Variants in RBFOX2 observed in about 807,000 individuals in gnomAD.
RBFOX2 encodes the protein RNA binding fox-1 homolog 2, also known as RNA binding protein fox-1 homolog 2.
A neutral mutation model predicts 49.1 loss-of-function variants in RBFOX2; 10 were observed. The observed-to-expected ratio is 0.20, with a 90% CI of 0.13 to 0.35. The LOEUF (loss-of-function observed/expected upper bound fraction) is 0.35. RBFOX2 is among the 10% of genes least tolerant of loss of function. The pLI is 1.00. For synonymous variants in RBFOX2, 183 were observed against 187.4 expected (o/e 0.98, Z 0.19); for missense variants, 323 against 486.9 (o/e 0.66, Z 3.17).
chr22:35,861,089 C>T (rs763316053), intron 1 of RBFOX2, among the ~76,000 whole-genome samples: 9 of 152,172 alleles, frequency 5.9e-5, no homozygotes, highest in Non-Finnish European at 1.3e-4. Flanking sequence ...AGAGAAAGAA[C>T]AGTCTTTTCA....
chr22:35,892,935 G>A (rs2047418284), intron 1 of RBFOX2, among the ~76,000 whole-genome samples: 1 of 152,158 alleles, frequency 6.6e-6, no homozygotes, highest in Admixed American at 6.5e-5. Flanking sequence ...GCTCCTCTGT[G>A]CCTCCCACTG....
chr22:36,024,339 T>C (rs1309739346), intron 1 of RBFOX2, among the ~76,000 whole-genome samples: 1 of 152,044 alleles, frequency 6.6e-6, no homozygotes, highest in East Asian at 1.9e-4. Context: ...TAAGGGACAA[T>C]AAAAGATGAC....
At chr22:35,929,693 C>T in intron 1 of RBFOX2, among the ~76,000 whole-genome samples, 1 of 151,844 alleles carries the variant, frequency 6.6e-6, no homozygotes, top group Admixed American at 6.6e-5. Flanking sequence ...GCTGTGTTGC[C>T]CACGCTGGTC....
intron 1 of RBFOX2, among the ~76,000 whole-genome samples, chr22:35,944,945 AAAC>A (rs760819385): frequency 1.1e-4 from 16 of 152,094 alleles, no homozygotes; most frequent in Non-Finnish European, 1.6e-4. Context: ...GTCTCAAGAA[AAAC>A]AACAACGACA....
intron 1 of RBFOX2, among the ~76,000 whole-genome samples, chr22:35,985,816 G>T (rs1234591342): frequency 6.6e-6 from 1 of 152,078 alleles, no homozygotes; most frequent in African/African-American, 2.4e-5. Context: ...CAGAAGGTGG[G>T]AGGATCACTG....
intron 1 of RBFOX2, among the ~76,000 whole-genome samples, chr22:35,909,346 C>T (rs2049501837): frequency 6.6e-6 from 1 of 151,950 alleles, no homozygotes; most frequent in Admixed American, 6.6e-5. Context: ...CAGTTTCCTT[C>T]TTTAAAGTAT....
At chr22:36,021,224 C>T (rs1326903804) in intron 1 of RBFOX2, among the ~76,000 whole-genome samples, 1 of 122,038 alleles carries the variant, frequency 8.2e-6, no homozygotes, top group African/African-American at 3.3e-5. Flanking sequence ...GGGTGGGGAA[C>T]ATCACACAAT....
At chr22:35,890,008 G>A (rs951136544) in intron 1 of RBFOX2, among the ~76,000 whole-genome samples, 2 of 152,056 alleles carry the variant, frequency 1.3e-5, no homozygotes, top group Non-Finnish European at 2.9e-5. Context: ...ACCAAGACCC[G>A]AAACTGTATC....
intron 1 of RBFOX2, among the ~76,000 whole-genome samples, chr22:35,978,785 A>C (rs138382377): frequency 6.6e-6 from 1 of 152,318 alleles, no homozygotes; most frequent in African/African-American, 2.4e-5. Flanking sequence ...TGAAAAAGGG[A>C]AAGTCTTTGT....
chr22:35,968,469 C>T (rs1197100138), intron 1 of RBFOX2, among the ~76,000 whole-genome samples: 1 of 144,072 alleles, frequency 6.9e-6, no homozygotes, highest in Non-Finnish European at 1.5e-5. Context: ...GTCTTAAGCA[C>T]ATTTTCTGAA....
chr22:35,767,115 G>T (rs1255079851), intron 5 of RBFOX2, among the ~76,000 whole-genome samples: 3 of 151,742 alleles, frequency 2.0e-5, no homozygotes, highest in African/African-American at 7.3e-5. Context: ...ATGTGCAAGG[G>T]GAAAAAAATC....
At chr22:35,939,026 C>T, upstream of RBFOX2, 4 of 870,686 alleles carry the variant, frequency 4.6e-6, no homozygotes, top group East Asian at 2.5e-5. Flanking sequence ...AACTGTATTC[C>T]ACCCTACCTA....
intron 2 of RBFOX2, among the ~76,000 whole-genome samples, chr22:35,799,669 T>G (rs1207479201): frequency 6.6e-6 from 1 of 152,098 alleles, no homozygotes; most frequent in African/African-American, 2.4e-5. Flanking sequence ...TTACTTCGGC[T>G]GGATGTGGTG....
intron 1 of RBFOX2, among the ~76,000 whole-genome samples, chr22:35,934,522 G>T (rs1370206424): frequency 6.6e-6 from 1 of 152,076 alleles, no homozygotes; most frequent in Non-Finnish European, 1.5e-5. Flanking sequence ...TCTCAAAAGT[G>T]CCCCAACTTG....
At chr22:35,975,774 T>C (rs958089890) in intron 1 of RBFOX2, among the ~76,000 whole-genome samples, 2 of 152,150 alleles carry the variant, frequency 1.3e-5, no homozygotes, top group African/African-American at 4.8e-5. Context: ...ATCACTAGTG[T>C]TTTCTGTTTG....
At chr22:35,989,961 C>T (rs2057899966) in intron 1 of RBFOX2, among the ~76,000 whole-genome samples, 1 of 152,150 alleles carries the variant, frequency 6.6e-6, no homozygotes, top group Non-Finnish European at 1.5e-5. Flanking sequence ...GTGGATGGAT[C>T]ACTGGAGGTC....
intron 4 of RBFOX2, among the ~76,000 whole-genome samples, chr22:35,770,775 CA>C (rs1942439557): frequency 6.6e-6 from 1 of 152,112 alleles, no homozygotes; most frequent in Admixed American, 6.6e-5. Context: ...TCACAGTCAG[CA>C]AATGTCAAAG....
intron 1 of RBFOX2, among the ~76,000 whole-genome samples, chr22:35,858,457 A>T (rs1353648121): frequency 2.0e-5 from 3 of 152,150 alleles, no homozygotes; most frequent in Non-Finnish European, 4.4e-5. Flanking sequence ...TTGTTTTTAG[A>T]CATACTTATT....
At chr22:35,756,280 C>A (rs2146169496) in intron 9 of RBFOX2, 136 bp from the exon 11 acceptor site, 2 of 633,508 alleles carry the variant, frequency 3.2e-6, no homozygotes, top group Middle Eastern at 2.7e-4. Context: ...GGGCTTGGGG[C>A]CTCGGCAAGT....
Sources: gnomAD v4.1 joint callset for allele counts (sites outside exome capture counted in the v4.1 genomes callset) on GRCh38, gnomAD v4.1.1 for gene constraint, MANE v1.5 for transcripts, NCBI Gene and HGNC (gene_info 2026-07-23, HGNC 2026-07-21) for gene names.